Variants in ENTREP2 observed in about 807,000 individuals in gnomAD.
The protein encoded by ENTREP2 is protein ENTREP2.
At chr15:29,638,356 A>G in the ENTREP2 span, among the ~76,000 whole-genome samples, 7 of 152,224 alleles carry the variant, frequency 4.6e-5, no homozygotes, top group Admixed American at 1.3e-4. Context: ...CCAAGGGCAT[A>G]GTCCCTGCAA....
At chr15:29,640,653 C>G in the ENTREP2 span, among the ~76,000 whole-genome samples, 2 of 150,774 alleles carry the variant, frequency 1.3e-5, no homozygotes, top group African/African-American at 2.4e-5. Flanking sequence ...CTGTCTCAAA[C>G]AAAACAAAAC....
chr15:29,246,499 A>C, the ENTREP2 span, among the ~76,000 whole-genome samples: 1 of 151,782 alleles, frequency 6.6e-6, no homozygotes, highest in Non-Finnish European at 1.5e-5. Flanking sequence ...GTTTGAGACC[A>C]GCCTGGCCAA....
chr15:29,348,953 A>C, the ENTREP2 span, among the ~76,000 whole-genome samples: 1 of 152,264 alleles, frequency 6.6e-6, no homozygotes, highest in Non-Finnish European at 1.5e-5. Flanking sequence ...ATCACTCAGC[A>C]TCTGAGACCT....
the ENTREP2 span, among the ~76,000 whole-genome samples, chr15:29,155,237 G>A: frequency 4.0e-5 from 6 of 150,228 alleles, no homozygotes; most frequent in Non-Finnish European, 7.4e-5. Flanking sequence ...AGCCAAGATC[G>A]CGCCACTGCA....
the ENTREP2 span, among the ~76,000 whole-genome samples, chr15:29,567,995 G>A: frequency 6.6e-6 from 1 of 152,284 alleles, no homozygotes; most frequent in Admixed American, 6.5e-5. Context: ...GAACAACCTT[G>A]GCAAGGCAGT....
the ENTREP2 span, among the ~76,000 whole-genome samples, chr15:29,126,824 C>T: frequency 6.6e-6 from 1 of 152,198 alleles, no homozygotes; most frequent in African/African-American, 2.4e-5. Context: ...CCCCAAGGGA[C>T]ATCAAGGCAT....
chr15:29,652,988 TAAGA>T, the ENTREP2 span, among the ~76,000 whole-genome samples: 568 of 152,254 alleles, frequency 3.7e-3, 3 homozygotes, highest in African/African-American at 0.013. Context: ...AAAGATCCCA[TAAGA>T]AAGGTTCTTA....
the ENTREP2 span, among the ~76,000 whole-genome samples, chr15:29,218,369 T>C: frequency 6.6e-6 from 1 of 152,106 alleles, no homozygotes; most frequent in Non-Finnish European, 1.5e-5. Context: ...AGAATCAATA[T>C]TGTGAAAACG....
chr15:29,223,874 A>C, the ENTREP2 span, among the ~76,000 whole-genome samples: 1 of 152,222 alleles, frequency 6.6e-6, no homozygotes, highest in Admixed American at 6.5e-5. Context: ...CTCAGCTGAC[A>C]GAGGACTGAC....
chr15:29,233,988 G>T, the ENTREP2 span: 2 of 1,497,448 alleles, frequency 1.3e-6, no homozygotes, highest in South Asian at 2.3e-5. Flanking sequence ...GGGACCATAG[G>T]AAGAGTTGAA....
the ENTREP2 span, among the ~76,000 whole-genome samples, chr15:29,633,487 G>A: frequency 2.0e-5 from 3 of 151,786 alleles, no homozygotes; most frequent in African/African-American, 7.3e-5. Flanking sequence ...AATGTATTTG[G>A]TATGACATGG....
At chr15:29,232,733 T>G in the ENTREP2 span, among the ~76,000 whole-genome samples, 50,368 of 152,006 alleles carry the variant, frequency 0.33, 9,708 homozygotes, top group East Asian at 0.6. Context: ...GGTCTCAAAC[T>G]TCTGGGCTCA....
chr15:29,466,557 G>A, the ENTREP2 span, among the ~76,000 whole-genome samples: 1 of 145,438 alleles, frequency 6.9e-6, no homozygotes, highest in African/African-American at 2.6e-5. Flanking sequence ...GCCCAGGGGA[G>A]GATGCTGCAG....
chr15:29,357,569 G>A, the ENTREP2 span, among the ~76,000 whole-genome samples: 1 of 152,138 alleles, frequency 6.6e-6, no homozygotes, highest in Non-Finnish European at 1.5e-5. Context: ...CAGGCGTGGT[G>A]GCTCACGCCT....
At chr15:29,468,374 G>A in the ENTREP2 span, among the ~76,000 whole-genome samples, 1 of 152,090 alleles carries the variant, frequency 6.6e-6, no homozygotes, top group East Asian at 1.9e-4. Flanking sequence ...ACTTTGGGAG[G>A]CCAGGGTGGG....
At chr15:29,550,753 G>A in the ENTREP2 span, among the ~76,000 whole-genome samples, 26 of 152,240 alleles carry the variant, frequency 1.7e-4, no homozygotes, top group Middle Eastern at 0.01. Context: ...ATGTTTCCTT[G>A]TGTCATTTAT....
chr15:29,290,307 C>T, the ENTREP2 span, among the ~76,000 whole-genome samples: 1,793 of 152,314 alleles, frequency 0.012, 30 homozygotes, highest in African/African-American at 0.041. Context: ...GGGCTCTGCA[C>T]GGGTTGTCCT....
At chr15:29,360,298 G>C in the ENTREP2 span, among the ~76,000 whole-genome samples, 1 of 151,782 alleles carries the variant, frequency 6.6e-6, no homozygotes, top group Non-Finnish European at 1.5e-5. Context: ...TCTTATATTA[G>C]AGCTACCTCA....
the ENTREP2 span, among the ~76,000 whole-genome samples, chr15:29,373,091 GACAA>G: frequency 8.8e-4 from 133 of 151,570 alleles, no homozygotes; most frequent in African/African-American, 2.8e-3. Flanking sequence ...AAAATTAAAA[GACAA>G]ACAAACTGAC....
Sources: gnomAD v4.1 joint callset for allele counts (sites outside exome capture counted in the v4.1 genomes callset) on GRCh38, gnomAD v4.1.1 for gene constraint, MANE v1.5 for transcripts, NCBI Gene and HGNC (gene_info 2026-07-23, HGNC 2026-07-21) for gene names.